Variants in ANKRD6 observed in about 807,000 individuals in gnomAD.
ANKRD6 encodes the protein ankyrin repeat domain-containing protein 6.
ANKRD6 carries 56 observed loss-of-function variants against 82.3 expected under a neutral mutation model. The observed-to-expected ratio is 0.68, with a 90% CI of 0.55 to 0.85. The LOEUF is 0.85. Among genes scored for constraint, ANKRD6 ranks in the 40% least tolerant of loss-of-function variants. The probability of loss-of-function intolerance (pLI) is 0.00; values close to 1 mark genes in which losing one functional copy is unlikely to be tolerated. For missense variants in ANKRD6, 852 were observed against 907.6 expected (o/e 0.94, Z 0.79); for synonymous variants, 347 against 352.1 (o/e 0.99, Z 0.16).
intron 2 of ANKRD6, among the ~76,000 whole-genome samples, chr6:89,586,395 A>G (rs1217227452): frequency 6.6e-6 from 1 of 152,212 alleles, no homozygotes; most frequent in East Asian, 1.9e-4. Context: ...CAACCCATTG[A>G]AAATGTAGTC....
intron 1 of ANKRD6, among the ~76,000 whole-genome samples, chr6:89,563,721 C>G (rs979477728): frequency 2.0e-5 from 3 of 152,306 alleles, no homozygotes; most frequent in East Asian, 3.9e-4. Flanking sequence ...AACTGCCCCC[C>G]ACCCCTGCAA....
chr6:89,612,796 T>C (rs982911658), intron 6 of ANKRD6, among the ~76,000 whole-genome samples: 3 of 152,208 alleles, frequency 2.0e-5, no homozygotes, highest in Admixed American at 6.5e-5. Context: ...AGCGAGCAGG[T>C]CCTACTGATG....
chr6:89,608,494 T>C (rs943373964), intron 5 of ANKRD6, among the ~76,000 whole-genome samples: 2 of 151,530 alleles, frequency 1.3e-5, no homozygotes, highest in African/African-American at 4.9e-5. Flanking sequence ...AATCAAGCTA[T>C]AGAAATATAC....
chr6:89,456,995 A>G (rs1174003468), intron 1 of ANKRD6, among the ~76,000 whole-genome samples: 1 of 152,216 alleles, frequency 6.6e-6, no homozygotes, highest in Non-Finnish European at 1.5e-5. Context: ...TTGCAGTCAC[A>G]TGCCAGGTGG....
chr6:89,619,011 C>T (rs1466890452), intron 9 of ANKRD6, among the ~76,000 whole-genome samples: 1 of 152,140 alleles, frequency 6.6e-6, no homozygotes, highest in Non-Finnish European at 1.5e-5. Flanking sequence ...CAAAATAACC[C>T]GACAACAGCC....
At chr6:89,598,727 T>G (rs767839878) in intron 3 of ANKRD6, among the ~76,000 whole-genome samples, 5 of 152,230 alleles carry the variant, frequency 3.3e-5, no homozygotes, top group South Asian at 2.1e-4. Flanking sequence ...GTCAACATGT[T>G]CCAAATCAAA....
intron 1 of ANKRD6, among the ~76,000 whole-genome samples, chr6:89,458,636 T>G (rs1410866546): frequency 6.6e-6 from 1 of 152,194 alleles, no homozygotes; most frequent in Non-Finnish European, 1.5e-5. Context: ...AAGTCTGCCC[T>G]TCCATCTTCT....
At chr6:89,588,189 C>A (rs79721149) in intron 2 of ANKRD6, among the ~76,000 whole-genome samples, 127,377 of 151,842 alleles carry the variant, frequency 0.84, 53,764 homozygotes, top group East Asian at 0.95. Flanking sequence ...CCTTGCAGTT[C>A]TTGCAGTTCT....
At chr6:89,436,118 A>T (rs1168639093) in intron 1 of ANKRD6, among the ~76,000 whole-genome samples, 1 of 152,230 alleles carries the variant, frequency 6.6e-6, no homozygotes, top group East Asian at 1.9e-4. Flanking sequence ...CTGAGTATTT[A>T]CTTAGAAGTT....
In ANKRD6 at chr6:89,474,782, A is replaced by G. The variant is rs141982482; in HGVS notation, c.-144+41407A>G. ...TTGCACTGGATGTAGTCCAGTGTGC[A>G]CATCCACCCACAGTGAAAGTGAAAC... On this transcript the variant is annotated intron_variant, in intron 1 of 15. Transcript: ENST00000339746. Among the ~76,000 whole-genome samples, 609 of 152,332 alleles carry G rather than the reference A, an allele frequency of 4.0e-3. 4 individuals are homozygous for G. The highest frequency in any genetic ancestry group is 0.014 in the African/African-American group (579 of 41,572).
rs550117409 is a variant in ANKRD6, at chr6:89,631,676, GAGAA to G, written c.*676_*679del. 4.6e-5 allele frequency: 7 copies of G among 152,268 alleles called. No homozygotes were observed. The East Asian group carries it at 1.3e-3, about 29-fold the overall frequency. The allele number at this position is 152,268 out of a possible 1,614,324, so 9.4% of individuals were successfully genotyped here. On this transcript the variant is annotated 3_prime_UTR_variant, in exon 16 of 16. Coordinates refer to ENST00000339746, the MANE Select transcript of ANKRD6 (RefSeq NM_001242809.2). Reference sequence around the variant, plus strand: ...AGCTCTGGAAACAATGAGATCAAATGAGAAAGATTCAAATTGTTTGTTATTTTCT... The same window carrying G: ...AGCTCTGGAAACAATGAGATCAAATGAGATTCAAATTGTTTGTTATTTTCT...
Position 89,633,356 on chromosome 6 carries a change from A to AACTT in ANKRD6, c.*2354_*2357dup, listed in dbSNP as rs1807774687. 6.6e-6 allele frequency: 1 copy of AACTT among 152,204 alleles called. No individual in the cohort carries two copies. Among genetic ancestry groups the AACTT allele is most frequent in the African/African-American group, 2.4e-5 (1 of 41,446 alleles). The allele number at this position is 152,204 out of a possible 1,614,324, so 9.4% of individuals were successfully genotyped here. On this transcript the variant is annotated 3_prime_UTR_variant, in exon 16 of 16. Coordinates refer to ENST00000339746, the MANE Select transcript of ANKRD6 (RefSeq NM_001242809.2). ...GTTTTTGATCCTTGGCATTGTCAAA[A>AACTT]ACTTAACTGCAGGTCCAGTGTATAT...
At chr6:89,501,036 C>T (rs970061469) in intron 1 of ANKRD6, among the ~76,000 whole-genome samples, 17 of 143,334 alleles carry the variant, frequency 1.2e-4, no homozygotes, top group African/African-American at 3.6e-4. Context: ...CTGAAAGACA[C>T]TTTGGTAGGA....
At chr6:89,498,236 T>C (rs1778860446) in intron 1 of ANKRD6, among the ~76,000 whole-genome samples, 2 of 152,212 alleles carry the variant, frequency 1.3e-5, no homozygotes, top group Non-Finnish European at 1.5e-5. Flanking sequence ...GCTAGTGTTA[T>C]TACTTTATAA....
chr6:89,501,670 C>A (rs1299778267), intron 1 of ANKRD6, among the ~76,000 whole-genome samples: 1 of 152,102 alleles, frequency 6.6e-6, no homozygotes, highest in Non-Finnish European at 1.5e-5. Flanking sequence ...TTTCAGATAC[C>A]TGGGGAGGGG....
intron 12 of ANKRD6, 143 bp downstream of exon 12, chr6:89,624,200 C>T (rs1804738733): frequency 5.1e-6 from 5 of 972,874 alleles, no homozygotes; most frequent in South Asian, 1.7e-5. Flanking sequence ...ATGGCCTCCC[C>T]ACCTGCACGG....
intron 10 of ANKRD6, 82 bp from the exon 11 acceptor site, chr6:89,623,321 ATGGAATC>A: frequency 1.3e-6 from 2 of 1,485,496 alleles, no homozygotes; most frequent in South Asian, 2.9e-5. Flanking sequence ...CCCTTACCAT[ATGGAATC>A]TTGCAAAGAA....
intron 1 of ANKRD6, among the ~76,000 whole-genome samples, chr6:89,458,982 T>TG (rs1238879270): frequency 2.0e-5 from 3 of 152,164 alleles, no homozygotes; most frequent in African/African-American, 7.2e-5. Context: ...CAGACAACCT[T>TG]GGGCAGTGTG....
At chr6:89,628,756 C>T (rs1359375794) in intron 14 of ANKRD6, 11 of 267,594 alleles carry the variant, frequency 4.1e-5, no homozygotes, top group Non-Finnish European at 7.2e-5. Flanking sequence ...GGCGACAGAG[C>T]GAGACTTCCA....
Sources: gnomAD v4.1 joint callset for allele counts (sites outside exome capture counted in the v4.1 genomes callset) on GRCh38, gnomAD v4.1.1 for gene constraint, MANE v1.5 for transcripts, NCBI Gene and HGNC (gene_info 2026-07-23, HGNC 2026-07-21) for gene names.